Variants in PLCH1 observed in about 807,000 individuals in gnomAD.
The protein encoded by PLCH1 is phospholipase C eta 1.
A neutral mutation model predicts 126.7 loss-of-function variants in PLCH1; 60 were observed. The ratio of observed to expected loss-of-function variants is 0.47; its 90% CI spans 0.38 to 0.59. The LOEUF is 0.59. PLCH1 is among the 20% of genes least tolerant of loss of function. PLCH1 has a pLI of 0.00. For missense variants in PLCH1, 1,723 were observed against 2,040.0 expected (o/e 0.84, Z 2.99); for synonymous variants, 719 against 734.9 (o/e 0.98, Z 0.35).
At chr3:155,710,735 A>G (rs928829270) in intron 1 of PLCH1, among the ~76,000 whole-genome samples, 14 of 151,928 alleles carry the variant, frequency 9.2e-5, no homozygotes, top group African/African-American at 3.4e-4. Context: ...CAGGAGGCTG[A>G]GGAAGGAGAA....
intron 2 of PLCH1, among the ~76,000 whole-genome samples, chr3:155,696,798 C>T (rs762567151): frequency 2.0e-5 from 3 of 152,136 alleles, no homozygotes; most frequent in Non-Finnish European, 2.9e-5. Flanking sequence ...ATAAAACAAT[C>T]AAGGGCCTTT....
chr3:155,614,832 TA>T (rs1735583027), intron 2 of PLCH1, among the ~76,000 whole-genome samples: 1 of 152,164 alleles, frequency 6.6e-6, no homozygotes. Context: ...ATAAATATTC[TA>T]GAAGATAACA....
At chr3:155,523,680 T>A (rs527380321) in intron 11 of PLCH1, among the ~76,000 whole-genome samples, 2 of 152,358 alleles carry the variant, frequency 1.3e-5, no homozygotes, top group Non-Finnish European at 2.9e-5. Flanking sequence ...AATTAATCAC[T>A]AAAATTCCTT....
chr3:155,636,307 T>C (rs884338), intron 2 of PLCH1, among the ~76,000 whole-genome samples: 30,879 of 152,128 alleles, frequency 0.2, 4,034 homozygotes, highest in African/African-American at 0.37. Flanking sequence ...GTCAATGTTT[T>C]GTTGTTGTTG....
chr3:155,617,470 T>C (rs1317206158), intron 2 of PLCH1, among the ~76,000 whole-genome samples: 1 of 110,242 alleles, frequency 9.1e-6, no homozygotes, highest in Non-Finnish European at 1.7e-5. Flanking sequence ...TCCTTTGGTT[T>C]TTCAGTCAAG....
At position 155,596,281 on chromosome 3, in the gene PLCH1, G is replaced by A. The variant is rs1732977749; in HGVS notation, c.177C>T (p.His59=). 4 of 1,613,232 alleles carry A rather than the reference G, an allele frequency of 2.5e-6. No homozygotes were observed. Among genetic ancestry groups the A allele is most frequent in the Non-Finnish European group, 3.4e-6 (4 of 1,179,250 alleles). The change falls in exon 3 of 23, where the codon CAC becomes CAT. Residue 59 remains histidine (H), a synonymous_variant. Coordinates refer to ENST00000460012, the MANE Select transcript of PLCH1 (RefSeq NM_014996.4). ...AGGGTCGCCATCGGAGGCGTGTCCG[G>A]TGCTCATCCAGGTAAAAGAGGCGGA... ...GLVRLFYLDE[H]RTRLRWRPSR... is the part of the protein sequence containing the mutation.
intron 2 of PLCH1, among the ~76,000 whole-genome samples, chr3:155,604,751 G>A (rs1344094535): frequency 6.6e-6 from 1 of 152,110 alleles, no homozygotes; most frequent in Non-Finnish European, 1.5e-5. Flanking sequence ...GGTCACCAGA[G>A]CCACTCAGAG....
intron 2 of PLCH1, among the ~76,000 whole-genome samples, chr3:155,688,787 G>A (rs1339177863): frequency 6.6e-6 from 1 of 152,212 alleles, no homozygotes; most frequent in Admixed American, 6.5e-5. Flanking sequence ...GGTAGCGGGT[G>A]GCCACAGAGA....
At position 155,485,600 on chromosome 3, in the gene PLCH1, C is replaced by G. The variant is rs1045307343; in HGVS notation, c.2730G>C (p.Leu910=). ...TGGCTGGGGCGCTAGCTGTGCGTCG[C>G]AGAATTCTATCTCCAATGGATCGCT... is the stretch of plus-strand genomic sequence containing the variant. ...VRKRSIGDRI[L]RRTASAPAKG... is the part of the protein sequence containing the mutation. The change falls in exon 22 of 23, where the codon CTG becomes CTC. Residue 910 remains leucine, a synonymous_variant. Transcript: ENST00000460012. The G allele has an allele frequency of 2.5e-5, 41 of 1,613,738 alleles. No homozygotes were observed. Among genetic ancestry groups the G allele is most frequent in the Non-Finnish European group, 3.4e-5 (40 of 1,179,994 alleles).
At chr3:155,512,108 C>T (rs966951614) in intron 12 of PLCH1, among the ~76,000 whole-genome samples, 2 of 150,424 alleles carry the variant, frequency 1.3e-5, no homozygotes, top group African/African-American at 4.9e-5. Flanking sequence ...GGGAGTGACC[C>T]GATTTTCCAG....
intron 2 of PLCH1, among the ~76,000 whole-genome samples, chr3:155,629,704 G>A (rs1335942151): frequency 2.6e-5 from 4 of 151,998 alleles, no homozygotes; most frequent in East Asian, 1.9e-4. Flanking sequence ...TCAAGTAGAC[G>A]TCTCAAATAC....
At chr3:155,697,808 G>A (rs1745943845) in intron 2 of PLCH1, among the ~76,000 whole-genome samples, 1 of 152,188 alleles carries the variant, frequency 6.6e-6, no homozygotes, top group African/African-American at 2.4e-5. Flanking sequence ...AGGGTCCTTG[G>A]TAACAGAGGG....
In PLCH1 at chr3:155,485,512, C is replaced by T. The variant is rs143905522; in HGVS notation, c.2818G>A (p.Glu940Lys). 1.6e-4 allele frequency: 262 copies of T among 1,614,050 alleles called. No individual in the cohort carries two copies. Among genetic ancestry groups the T allele is most frequent in the Non-Finnish European group, 1.8e-4 (211 of 1,180,028 alleles). ...EMVEIKDSVSEATRDQDGVLR... is the reference protein window; with the variant it reads ...EMVEIKDSVSKATRDQDGVLR... ...ACGCCATCTTGATCTCTTGTGGCCT[C>T]GGACACAGAATCCTTTATCTCCACC... The change falls in exon 22 of 23, where the codon GAG (glutamate) becomes AAG (lysine). Residue 940 changes from glutamate to lysine, a missense_variant. Around this residue, in one of 2 missense-constraint regions of PLCH1, gnomAD observed 947 missense variants for 977.1 expected, o/e 0.97. Coordinates refer to ENST00000460012, the MANE Select transcript of PLCH1 (RefSeq NM_014996.4).
chr3:155,457,893 C>G (rs1712492145), intron 21 of PLCH1: 1 of 152,372 alleles, frequency 6.6e-6, no homozygotes, highest in Non-Finnish European at 1.5e-5. Context: ...AGCAATAGAT[C>G]ACACCTCACC....
intron 18 of PLCH1, among the ~76,000 whole-genome samples, 196 bp downstream of exon 18, chr3:155,492,533 C>A (rs963013100): frequency 2.0e-5 from 3 of 152,110 alleles, no homozygotes; most frequent in Admixed American, 2.0e-4. Context: ...TGCTCTTATG[C>A]CTTCAAAATA....
At chr3:155,473,111 T>G (rs2107985062) in intron 21 of PLCH1, among the ~76,000 whole-genome samples, 1 of 147,228 alleles carries the variant, frequency 6.8e-6, no homozygotes, top group East Asian at 2.0e-4. Context: ...ATAAAGGGTA[T>G]TCAATTAGGA....
chr3:155,470,479 G>A (rs1713158577), intron 21 of PLCH1, among the ~76,000 whole-genome samples: 1 of 152,096 alleles, frequency 6.6e-6, no homozygotes. Context: ...TGGGGAGAAT[G>A]GAACCAAGTT....
Position 155,568,277 on chromosome 3 carries a change from A to G in PLCH1, c.819T>C (p.Phe273=). Reference sequence around the variant, plus strand: ...TCACCTTATTTTCTTCTGAAACTTCAAACTTCTTTATGATGTCAAGACAAT... The same window carrying G: ...TCACCTTATTTTCTTCTGAAACTTCGAACTTCTTTATGATGTCAAGACAAT... ...TDYCLDIIKK[F]EVSEENKVKN... is the part of the protein sequence containing the mutation. Residue 273 remains phenylalanine (F), a synonymous_variant, in exon 7 of 23, where the codon TTT becomes TTC. Transcript: ENST00000460012. 3 of 1,551,018 alleles carry G rather than the reference A, an allele frequency of 1.9e-6. No homozygotes were observed. The South Asian group carries it at 3.4e-5, about 17-fold the overall frequency.
chr3:155,462,643 C>T (rs1393138545), intron 21 of PLCH1, among the ~76,000 whole-genome samples: 2 of 152,290 alleles, frequency 1.3e-5, no homozygotes, highest in Admixed American at 6.5e-5. Flanking sequence ...GCATATCAGA[C>T]CCAGGTTATG....
Sources: gnomAD v4.1 joint callset for allele counts (sites outside exome capture counted in the v4.1 genomes callset) on GRCh38, gnomAD v4.1.1 for gene constraint, gnomAD v4.1.1 regional missense constraint, MANE v1.5 for transcripts, NCBI Gene and HGNC (gene_info 2026-07-23, HGNC 2026-07-21) for gene names.